The following MAPK4 variants were observed in gnomAD, a reference collection of about 807,000 sequenced individuals.
The protein encoded by MAPK4 is Erk3-related.
In MAPK4, 22 loss-of-function variants were observed where a neutral mutation model predicts 47.7. The ratio of observed to expected loss-of-function variants is 0.46; its 90% CI spans 0.33 to 0.66. The LOEUF (loss-of-function observed/expected upper bound fraction) is 0.66. Ranked by LOEUF, MAPK4 falls within the 30% of genes least tolerant of loss-of-function variation. The pLI is 0.02. For synonymous variants in MAPK4, 390 were observed against 365.7 expected (o/e 1.07, Z -0.76); for missense variants, 736 against 831.7 (o/e 0.88, Z 1.42).
chr18:50,649,222 C>G (rs2043022876), intron 1 of MAPK4, among the ~76,000 whole-genome samples: 1 of 152,156 alleles, frequency 6.6e-6, no homozygotes, highest in Non-Finnish European at 1.5e-5. Flanking sequence ...AGGCTAGGCC[C>G]CTTGAGGTGT....
At chr18:50,652,367 GA>G (rs1568063528) in intron 1 of MAPK4, among the ~76,000 whole-genome samples, 1 of 152,224 alleles carries the variant, frequency 6.6e-6, no homozygotes, top group African/African-American at 2.4e-5. Context: ...GCCTCCCCGG[GA>G]ATAGTAGGAG....
At chr18:50,623,438 C>A (rs1007599208) in intron 1 of MAPK4, among the ~76,000 whole-genome samples, 1 of 152,224 alleles carries the variant, frequency 6.6e-6, no homozygotes, top group East Asian at 1.9e-4. Context: ...ACACCCAGTC[C>A]AGCAAAATAA....
intron 1 of MAPK4, among the ~76,000 whole-genome samples, chr18:50,609,598 G>C (rs1253081201): frequency 6.6e-6 from 1 of 152,126 alleles, no homozygotes; most frequent in Non-Finnish European, 1.5e-5. Flanking sequence ...GAGGATGTCA[G>C]GTACTGTTCT....
In MAPK4 at chr18:50,664,001, G is replaced by T; in HGVS notation, c.43G>T (p.Asp15Tyr). ...CTGCATCGCCAGTGTCTATGGGTAT[G>T]ACCTCGGTGGGCGCTTTGTTGACTT... ...GDCIASVYGY[D>Y]LGGRFVDFQP... is the part of the protein sequence containing the mutation. The change falls in exon 2 of 6, where the codon GAC (aspartate) becomes TAC (tyrosine). Residue 15 changes from aspartate to tyrosine, a missense_variant. Physicochemically the swap from Asp to Tyr is radical, Grantham distance 160. Transcript: ENST00000400384. This position sits in a 1 kb window ranked among gnomAD's most constrained non-coding sequence, Gnocchi z 6.0. 1 of 1,613,776 alleles carries T rather than the reference G, an allele frequency of 6.2e-7. No individual in the cohort carries two copies. The highest frequency in any genetic ancestry group is 1.1e-5 in the South Asian group (1 of 91,056).
At chr18:50,617,352 T>C (rs1290961764) in intron 1 of MAPK4, among the ~76,000 whole-genome samples, 1 of 152,244 alleles carries the variant, frequency 6.6e-6, no homozygotes, top group East Asian at 1.9e-4. Context: ...TTAATTTTAA[T>C]GCTGCACATG....
intron 3 of MAPK4, among the ~76,000 whole-genome samples, chr18:50,716,679 G>A (rs755853214): frequency 2.6e-5 from 4 of 152,122 alleles, no homozygotes; most frequent in South Asian, 2.1e-4. Flanking sequence ...CCTCATATCC[G>A]GTCCTCCTGG....
chr18:50,654,157 T>A (rs1365279261), intron 1 of MAPK4, among the ~76,000 whole-genome samples: 1 of 152,204 alleles, frequency 6.6e-6, no homozygotes, highest in African/African-American at 2.4e-5. Context: ...TCTTTGAGCA[T>A]CCCTGCCATG....
chr18:50,614,414 C>G (rs973687896), intron 1 of MAPK4, among the ~76,000 whole-genome samples: 2 of 151,710 alleles, frequency 1.3e-5, no homozygotes, highest in Non-Finnish European at 2.9e-5. Flanking sequence ...AATTTAAGAT[C>G]AAAACACATG....
chr18:50,666,451 G>T (rs1416586339), intron 2 of MAPK4, among the ~76,000 whole-genome samples: 1 of 152,170 alleles, frequency 6.6e-6, no homozygotes, highest in East Asian at 1.9e-4. Flanking sequence ...AGTCAGGACT[G>T]CATCCATTCA....
chr18:50,566,388 G>A (rs1312748344), intron 1 of MAPK4, among the ~76,000 whole-genome samples: 1 of 152,226 alleles, frequency 6.6e-6, no homozygotes, highest in Non-Finnish European at 1.5e-5. Context: ...GAGAAACTGA[G>A]GCTGAGAGTG....
intron 1 of MAPK4, among the ~76,000 whole-genome samples, chr18:50,599,703 A>G (rs1413692340): frequency 1.3e-5 from 2 of 152,148 alleles, no homozygotes; most frequent in African/African-American, 4.8e-5. Context: ...ACAAGTGTGA[A>G]CCACTGTGCC....
intron 1 of MAPK4, among the ~76,000 whole-genome samples, chr18:50,589,768 T>C (rs995910359): frequency 6.6e-6 from 1 of 152,226 alleles, no homozygotes; most frequent in Non-Finnish European, 1.5e-5. Context: ...ACATTCTCAC[T>C]TCCTGAGCAT....
At chr18:50,654,868 A>G (rs759439493) in intron 1 of MAPK4, among the ~76,000 whole-genome samples, 3 of 152,196 alleles carry the variant, frequency 2.0e-5, no homozygotes, top group Non-Finnish European at 4.4e-5. Flanking sequence ...AGTATCGCTG[A>G]GAGGCATGGG....
intron 2 of MAPK4, among the ~76,000 whole-genome samples, chr18:50,673,356 C>T (rs887406203): frequency 6.6e-6 from 1 of 152,216 alleles, no homozygotes; most frequent in African/African-American, 2.4e-5. Flanking sequence ...ACCTGGTACT[C>T]CCCTCACCAT....
intron 2 of MAPK4, among the ~76,000 whole-genome samples, chr18:50,672,771 C>A (rs1908030805): frequency 6.6e-6 from 1 of 152,150 alleles, no homozygotes; most frequent in Admixed American, 6.6e-5. Flanking sequence ...ACCAGTTCAC[C>A]CTTTATTGCT....
chr18:50,659,642 G>A (rs1568067073), intron 1 of MAPK4, among the ~76,000 whole-genome samples: 1 of 152,224 alleles, frequency 6.6e-6, no homozygotes, highest in Admixed American at 6.5e-5. Context: ...CAGTGAGAAA[G>A]CAGTTGAGAG....
intron 1 of MAPK4, among the ~76,000 whole-genome samples, chr18:50,623,580 C>T (rs549285006): frequency 4.6e-5 from 7 of 152,202 alleles, no homozygotes; most frequent in Non-Finnish European, 1.0e-4. Context: ...GAAGTCTAAG[C>T]CACCATCATC....
At chr18:50,614,676 C>T (rs1480449382) in intron 1 of MAPK4, among the ~76,000 whole-genome samples, 8 of 152,268 alleles carry the variant, frequency 5.3e-5, no homozygotes, top group African/African-American at 1.4e-4. Flanking sequence ...ACATGTCACA[C>T]GTATTATCTC....
At chr18:50,576,454 C>G (rs1180295991) in intron 1 of MAPK4, among the ~76,000 whole-genome samples, 1 of 152,032 alleles carries the variant, frequency 6.6e-6, no homozygotes, top group Non-Finnish European at 1.5e-5. Context: ...CACATGGACA[C>G]AAAGGAACAA....
Sources: gnomAD v4.1 joint callset for allele counts (sites outside exome capture counted in the v4.1 genomes callset) on GRCh38, gnomAD v4.1.1 for gene constraint, Gnocchi (gnomAD v3.1) non-coding constraint, MANE v1.5 for transcripts, NCBI Gene and HGNC (gene_info 2026-07-23, HGNC 2026-07-21) for gene names.